The following RBM47 variants were observed in gnomAD, a reference collection of about 807,000 sequenced individuals.
RBM47 encodes RNA-binding protein 47.
RBM47 carries 21 observed loss-of-function variants against 47.1 expected under a neutral mutation model. That is an observed-to-expected ratio of 0.45 (90% CI 0.32 to 0.64). The LOEUF is 0.64. Among genes scored for constraint, RBM47 ranks in the 30% least tolerant of loss-of-function variants. RBM47 has a pLI of 0.05. For missense variants in RBM47, 708 were observed against 870.9 expected (o/e 0.81, Z 2.35); for synonymous variants, 375 against 361.7 (o/e 1.04, Z -0.42).
chr4:40,499,767 A>G (rs538687343), intron 2 of RBM47, among the ~76,000 whole-genome samples: 1 of 152,352 alleles, frequency 6.6e-6, no homozygotes, highest in East Asian at 1.9e-4. Flanking sequence ...AGATAAACAC[A>G]GGTCACAATT....
chr4:40,448,705 C>G (rs998179203), intron 3 of RBM47, among the ~76,000 whole-genome samples: 2 of 152,168 alleles, frequency 1.3e-5, no homozygotes, highest in Non-Finnish European at 2.9e-5. Flanking sequence ...GTTCTAGTAA[C>G]AGCACCAGGA....
chr4:40,610,800 A>G (rs62301878), intron 1 of RBM47, among the ~76,000 whole-genome samples: 16,507 of 151,934 alleles, frequency 0.11, 961 homozygotes, highest in South Asian at 0.12. Flanking sequence ...TTCTCGTGAT[A>G]GTGAATAAGT....
At chr4:40,489,080 T>A (rs377090480) in intron 2 of RBM47, among the ~76,000 whole-genome samples, 55 of 152,316 alleles carry the variant, frequency 3.6e-4, no homozygotes, top group African/African-American at 1.3e-3. Flanking sequence ...CTGTGTCAAC[T>A]GTACTCTGTA....
chr4:40,558,867 G>A (rs1435004123), intron 1 of RBM47, among the ~76,000 whole-genome samples: 5 of 151,100 alleles, frequency 3.3e-5, no homozygotes, highest in Non-Finnish European at 5.9e-5. Context: ...GGTGGCAGGC[G>A]CCTGTAATCC....
At chr4:40,481,445 GTATTATTATTATTATTATTAT>G (rs71647001) in intron 2 of RBM47, among the ~76,000 whole-genome samples, 4 of 126,962 alleles carry the variant, frequency 3.2e-5, no homozygotes, top group African/African-American at 5.8e-5. Context: ...GCTAATTTTT[GTATTATTATTATTATTATTAT>G]TATTATTATT....
chr4:40,599,276 AGAG>A (rs1735032162), intron 1 of RBM47, among the ~76,000 whole-genome samples: 1 of 151,874 alleles, frequency 6.6e-6, no homozygotes, highest in East Asian at 1.9e-4. Context: ...AAAAAAAGAA[AGAG>A]AAGTCCCTAA....
Position 40,423,734 on chromosome 4 carries a change from CTCTTCT to C in RBM47, c.*2164_*2169del. The C allele has an allele frequency of 2.7e-5, 3 of 112,516 alleles. No homozygotes were observed. Among genetic ancestry groups the C allele is most frequent in the African/African-American group, 1.0e-4 (3 of 29,574 alleles). 7.0% of individuals were successfully genotyped at this position (112,516 alleles called of 1,614,324 possible). A position where few individuals can be genotyped will look rare whatever the true frequency, so the allele number is the denominator to read the frequency against. The stretch of plus-strand genomic sequence containing the variant: ...TTTCTTTTCTTTCTTTTCTTTCTTC[CTCTTCT>C]TCTTCTTTTTTGCAAATAATTTACA... On this transcript the variant is annotated 3_prime_UTR_variant, in exon 7 of 7. Coordinates refer to ENST00000295971, the MANE Select transcript of RBM47 (RefSeq NM_001098634.2).
chr4:40,500,391 T>C (rs1311498792), intron 2 of RBM47, among the ~76,000 whole-genome samples: 1 of 151,452 alleles, frequency 6.6e-6, no homozygotes, highest in African/African-American at 2.4e-5. Context: ...ATGGGCGAAA[T>C]GCTTGAATCC....
Position 40,438,944 on chromosome 4 carries a change from C to G in RBM47, c.-31-20G>C, listed in dbSNP as rs566436350. On this transcript the variant is annotated intron_variant, in intron 3 of 6. Coordinates refer to ENST00000295971, the MANE Select transcript of RBM47 (RefSeq NM_001098634.2). ...GGAAACCTGGGGAAGCAGAAAGAAG[C>G]GTGAGTGGGGAACCGCTGGATCTTG... 2.7e-6 allele frequency: 4 copies of G among 1,477,382 alleles called. No individual in the cohort carries two copies. Among genetic ancestry groups the G allele is most frequent in the African/African-American group, 2.8e-5 (2 of 71,962 alleles). The allele number at this position is 1,477,382 out of a possible 1,614,324, so 91.5% of individuals were successfully genotyped here.
intron 3 of RBM47, among the ~76,000 whole-genome samples, chr4:40,445,552 C>T (rs1424671420): frequency 2.0e-5 from 3 of 152,210 alleles, no homozygotes; most frequent in Non-Finnish European, 2.9e-5. Context: ...TGGTGGACCT[C>T]GTCCTTGTGG....
intron 3 of RBM47, among the ~76,000 whole-genome samples, chr4:40,447,101 A>C (rs564748301): frequency 6.6e-6 from 1 of 152,324 alleles, no homozygotes. Context: ...ATTGGATGCA[A>C]AATGTCCAAC....
chr4:40,438,579 G>A lies in RBM47; in HGVS notation c.315C>T (p.Asp105=), dbSNP rs62639978. 895 of 1,613,964 alleles carry A rather than the reference G, an allele frequency of 5.5e-4. 6 individuals carry two copies. In the African/African-American group the frequency reaches 0.011, roughly 20 times the overall value. ...GRIYELRLMM[D]FDGKNRGYAF... is the part of the protein sequence containing the mutation. ...CGTAGCCGCGGTTCTTGCCGTCAAA[G>A]TCCATCATGAGGCGCAGCTCGTAGA... Residue 105 remains aspartate (D), a synonymous_variant, in exon 4 of 7, where the codon GAC becomes GAT. Transcript: ENST00000295971.
chr4:40,590,449 A>G (rs1734027891), intron 1 of RBM47, among the ~76,000 whole-genome samples: 2 of 152,118 alleles, frequency 1.3e-5, no homozygotes, highest in Non-Finnish European at 2.9e-5. Context: ...TGCACAGAAG[A>G]GCAAGCAAAC....
At chr4:40,605,267 T>G (rs1402363331) in intron 1 of RBM47, among the ~76,000 whole-genome samples, 3 of 151,788 alleles carry the variant, frequency 2.0e-5, no homozygotes, top group African/African-American at 7.3e-5. Flanking sequence ...TCAGGTGATC[T>G]GCCCGCCTTG....
At position 40,628,340 on chromosome 4, in the gene RBM47, A is replaced by C. The variant is rs1737927151; in HGVS notation, c.-240+1056T>G. The stretch of plus-strand genomic sequence containing the variant: ...TGATCTAACAAAGATCATTGTTTAA[A>C]TTAATAGCAACACAAACTCCCACAA... On this transcript the variant is annotated intron_variant, in intron 1 of 6. Coordinates refer to ENST00000295971, the MANE Select transcript of RBM47 (RefSeq NM_001098634.2). This position sits in a 1 kb window ranked among gnomAD's most constrained non-coding sequence, Gnocchi z 4.0. 6.6e-6 allele frequency among the ~76,000 whole-genome samples: 1 copy of C among 152,202 alleles called. No homozygotes were observed.
chr4:40,460,888 CAAAAAA>C (rs35536750), intron 3 of RBM47, among the ~76,000 whole-genome samples: 4 of 92,972 alleles, frequency 4.3e-5, no homozygotes, highest in Admixed American at 3.9e-4. Flanking sequence ...GACTCTGTCT[CAAAAAA>C]AAAAAAAAAA....
intron 2 of RBM47, among the ~76,000 whole-genome samples, chr4:40,470,966 C>T (rs554162171): frequency 1.1e-4 from 17 of 152,240 alleles, no homozygotes; most frequent in South Asian, 1.0e-3. Context: ...TGGTCCTGAA[C>T]GCCTGACCTC....
intron 1 of RBM47, among the ~76,000 whole-genome samples, chr4:40,565,697 C>G (rs1352636033): frequency 2.0e-5 from 3 of 152,086 alleles, no homozygotes; most frequent in African/African-American, 7.2e-5. Context: ...CTCCCTAAGT[C>G]CCTTCCCCAG....
Position 40,527,289 on chromosome 4 carries a change from A to T in RBM47, c.-155+17133T>A, listed in dbSNP as rs1284213394. Among the ~76,000 whole-genome samples, 4 of 138,872 alleles carry T rather than the reference A, an allele frequency of 2.9e-5. No individual in the cohort carries two copies. In the East Asian group the frequency reaches 8.4e-4, roughly 29 times the overall value. The allele number at this position is 138,872 out of a possible 152,430, so 91.1% of individuals were successfully genotyped here. A position where few individuals can be genotyped will look rare whatever the true frequency, so the allele number is the denominator to read the frequency against. ...AGGCGTATGCCACCACAACTGGCTA[A>T]TTTTTTTTTTTTTTTAAGACGGAAT... On this transcript the variant is annotated intron_variant, in intron 2 of 6. Coordinates refer to ENST00000295971, the MANE Select transcript of RBM47 (RefSeq NM_001098634.2).
Sources: allele counts gnomAD v4.1 joint callset (sites outside exome capture counted in the v4.1 genomes callset), GRCh38; gene constraint gnomAD v4.1.1; non-coding constraint Gnocchi (gnomAD v3.1); transcripts MANE v1.5; gene names NCBI Gene and HGNC (gene_info 2026-07-23, HGNC 2026-07-21).